CNTN5: variants seen among roughly 807,000 people sequenced by gnomAD.
The protein encoded by CNTN5 is contactin-5.
In CNTN5, 77 loss-of-function variants were observed where a neutral mutation model predicts 129.1. The observed-to-expected ratio is 0.60, with a 90% confidence interval of 0.50 to 0.72. The LOEUF is 0.72. Ranked by LOEUF, CNTN5 falls within the 30% of genes least tolerant of loss-of-function variation. CNTN5 has a pLI of 0.00. For synonymous variants in CNTN5, 509 were observed against 465.6 expected (o/e 1.09, Z -1.20); for missense variants, 1,478 against 1,328.8 (o/e 1.11, Z -1.75).
Position 99,808,387 on chromosome 11 carries a change from A to G in CNTN5, c.56-11157A>G, listed in dbSNP as rs17134490. Among the ~76,000 whole-genome samples, 1,132 of 152,308 alleles carry G rather than the reference A, an allele frequency of 7.4e-3. 13 individuals are homozygous for G. Among genetic ancestry groups the G allele is most frequent in the African/African-American group, 0.026 (1,085 of 41,566 alleles). On this transcript the variant is annotated intron_variant, in intron 3 of 24. Transcript: ENST00000524871. ...CAACCACAGCAGATGAGTGAATTTA[A>G]ATGGACTTTTACAGGTATTTAATCT...
chr11:99,293,407 T>G lies in CNTN5; in HGVS notation c.-209-31939T>G, dbSNP rs1417290096. Among the ~76,000 whole-genome samples the G allele has an allele frequency of 2.0e-5, 3 of 152,122 alleles. No individual in the cohort carries two copies. In the South Asian group the frequency reaches 6.2e-4, roughly 32 times the overall value. On this transcript the variant is annotated intron_variant, in intron 1 of 24. Coordinates refer to ENST00000524871, the MANE Select transcript of CNTN5 (RefSeq NM_014361.4). ...GCAGTTTTCTTTTTTTGTTGTGCCT[T>G]TGTCTGGTTCTGGTAGCAGGGTACC...
At chr11:99,653,335 A>G (rs556243555) in intron 3 of CNTN5, among the ~76,000 whole-genome samples, 15 of 152,070 alleles carry the variant, frequency 9.9e-5, no homozygotes, top group Non-Finnish European at 1.6e-4. Context: ...CTTTTTCCCC[A>G]TAAGCACAGT....
At chr11:99,793,299 T>C (rs1453712723) in intron 3 of CNTN5, among the ~76,000 whole-genome samples, 1 of 152,208 alleles carries the variant, frequency 6.6e-6, no homozygotes, top group Non-Finnish European at 1.5e-5. Context: ...GACCTCGTGA[T>C]CCACCTGCCT....
intron 2 of CNTN5, among the ~76,000 whole-genome samples, chr11:99,532,299 G>A (rs754276223): frequency 6.6e-6 from 1 of 152,104 alleles, no homozygotes; most frequent in Non-Finnish European, 1.5e-5. Context: ...TGGAATGGCT[G>A]TATTTACCCA....
chr11:100,100,863 G>T (rs956346556), intron 13 of CNTN5, among the ~76,000 whole-genome samples: 1 of 152,028 alleles, frequency 6.6e-6, no homozygotes, highest in Non-Finnish European at 1.5e-5. Context: ...ACCTAAACTT[G>T]CAACTTAAAT....
rs915595048 is a variant in CNTN5, at chr11:99,159,393, C to T, written c.-210+138123C>T. ...GTCCCAGCACTTTGGGAGGCTGAGGCGGAAGGATCACGAGGTCAGGAGATC... is the reference window on the plus strand; with the variant it reads ...GTCCCAGCACTTTGGGAGGCTGAGGTGGAAGGATCACGAGGTCAGGAGATC... On this transcript the variant is annotated intron_variant, in intron 1 of 24. Transcript: ENST00000524871. Among the ~76,000 whole-genome samples the T allele has an allele frequency of 2.6e-5, 4 of 152,248 alleles. No individual in the cohort carries two copies. In the East Asian group the frequency reaches 5.8e-4, roughly 22 times the overall value.
rs139037784 is a variant in CNTN5, at chr11:99,169,275, T to C, written c.-210+148005T>C. ...TCCCTGAATATTCATATACTAGTAG[T>C]TGTAAATAATCTAGAGGTCCTGGAA... On this transcript the variant is annotated intron_variant, in intron 1 of 24. Transcript: ENST00000524871. 1.4e-3 allele frequency among the ~76,000 whole-genome samples: 208 copies of C among 152,192 alleles called. 1 individual carries two copies. The highest frequency in any genetic ancestry group is 4.6e-3 in the African/African-American group (193 of 41,536).
chr11:99,163,637 G>T (rs996445460), intron 1 of CNTN5, among the ~76,000 whole-genome samples: 1 of 151,992 alleles, frequency 6.6e-6, no homozygotes, highest in Non-Finnish European at 1.5e-5. Context: ...TGAATAAACT[G>T]AAACTTATTT....
At chr11:99,994,994 CAT>C (rs1232786628) in intron 8 of CNTN5, among the ~76,000 whole-genome samples, 1 of 152,118 alleles carries the variant, frequency 6.6e-6, no homozygotes, top group Non-Finnish European at 1.5e-5. Flanking sequence ...ATGAAGCAAA[CAT>C]TATTGATAAA....
At chr11:100,314,390 A>G (rs768308628) in intron 21 of CNTN5, among the ~76,000 whole-genome samples, 14 of 152,266 alleles carry the variant, frequency 9.2e-5, no homozygotes, top group Middle Eastern at 6.8e-3. Flanking sequence ...CCCTTGATGT[A>G]CCAGGTATTA....
intron 3 of CNTN5, among the ~76,000 whole-genome samples, chr11:99,640,687 C>T (rs1051037603): frequency 2.6e-5 from 4 of 152,166 alleles, no homozygotes; most frequent in African/African-American, 9.7e-5. Context: ...CACATGCTGT[C>T]CAGGTCTTTA....
At chr11:99,965,027 T>C (rs1371162681) in intron 8 of CNTN5, among the ~76,000 whole-genome samples, 1 of 152,196 alleles carries the variant, frequency 6.6e-6, no homozygotes, top group Admixed American at 6.5e-5. Context: ...CATTTTTTAT[T>C]GCGTCTATTT....
At chr11:99,729,367 G>T (rs1047136914) in intron 3 of CNTN5, among the ~76,000 whole-genome samples, 1 of 152,072 alleles carries the variant, frequency 6.6e-6, no homozygotes, top group Non-Finnish European at 1.5e-5. Context: ...CTCATGTCAC[G>T]GGGGTTCGTT....
intron 1 of CNTN5, among the ~76,000 whole-genome samples, chr11:99,062,142 C>T (rs1864910060): frequency 6.6e-6 from 1 of 152,046 alleles, no homozygotes; most frequent in South Asian, 2.1e-4. Flanking sequence ...AATTTTGAAG[C>T]AAATTATCTT....
At chr11:99,989,913 A>G (rs559826214) in intron 8 of CNTN5, among the ~76,000 whole-genome samples, 1 of 152,092 alleles carries the variant, frequency 6.6e-6, no homozygotes, top group African/African-American at 2.4e-5. Flanking sequence ...CTACAGGTGC[A>G]TGCCACCATG....
At chr11:99,984,645 T>C (rs1938559609) in intron 8 of CNTN5, among the ~76,000 whole-genome samples, 1 of 152,166 alleles carries the variant, frequency 6.6e-6, no homozygotes, top group South Asian at 2.1e-4. Context: ...AATTTTAGTA[T>C]GCATATGATC....
chr11:99,762,852 A>G (rs1404457251), intron 3 of CNTN5, among the ~76,000 whole-genome samples: 1 of 152,182 alleles, frequency 6.6e-6, no homozygotes, highest in Admixed American at 6.6e-5. Flanking sequence ...AAAGTTTTAA[A>G]GATTAATTTT....
intron 3 of CNTN5, among the ~76,000 whole-genome samples, chr11:99,803,089 A>G (rs1191827469): frequency 3.3e-5 from 5 of 151,868 alleles, no homozygotes; most frequent in Non-Finnish European, 7.4e-5. Context: ...GCATAGAGCA[A>G]ATAGTGCCCC....
At chr11:99,528,811 C>T (rs780170083) in intron 2 of CNTN5, among the ~76,000 whole-genome samples, 4 of 152,160 alleles carry the variant, frequency 2.6e-5, no homozygotes, top group Non-Finnish European at 4.4e-5. Flanking sequence ...TGCCTGTAAT[C>T]CCAGCACTTT....
Sources: gnomAD v4.1 joint callset for allele counts (sites outside exome capture counted in the v4.1 genomes callset) on GRCh38, gnomAD v4.1.1 for gene constraint, MANE v1.5 for transcripts, NCBI Gene and HGNC (gene_info 2026-07-23, HGNC 2026-07-21) for gene names.